Variants in PDCL2 observed in about 807,000 individuals in gnomAD.
PDCL2 encodes phosducin-like protein 2.
In PDCL2, 23 loss-of-function variants were observed where a neutral mutation model predicts 30.3. That is an observed-to-expected ratio of 0.76 (90% CI 0.55 to 1.08). The LOEUF (loss-of-function observed/expected upper bound fraction) is 1.08, where lower values mean the gene tolerates loss of function less well. PDCL2 is among the 50% of genes least tolerant of loss of function. The pLI is 0.00. For synonymous variants in PDCL2, 68 were observed against 86.2 expected (o/e 0.79, Z 1.17); for missense variants, 243 against 282.3 (o/e 0.86, Z 1.00).
chr4:55,562,924 A>C (rs908580973), intron 4 of PDCL2, among the ~76,000 whole-genome samples: 1 of 128,548 alleles, frequency 7.8e-6, no homozygotes, highest in Non-Finnish European at 1.6e-5. Flanking sequence ...AAAAAAAAAA[A>C]AAAACAGGAC....
chr4:55,590,133 G>T (rs1182478768), intron 1 of PDCL2, among the ~76,000 whole-genome samples: 1 of 130,248 alleles, frequency 7.7e-6, no homozygotes, highest in Non-Finnish European at 1.5e-5. Flanking sequence ...GGAGGTGGAG[G>T]TTGCAGTAAG....
chr4:55,560,023 GA>G (rs1732083223), intron 5 of PDCL2, among the ~76,000 whole-genome samples: 1 of 152,148 alleles, frequency 6.6e-6, no homozygotes, highest in African/African-American at 2.4e-5. Flanking sequence ...TATGTAAGAT[GA>G]AAAAACTTCT....
chr4:55,591,353 C>G (rs191207023), intron 1 of PDCL2, among the ~76,000 whole-genome samples: 11 of 151,618 alleles, frequency 7.3e-5, no homozygotes, highest in Non-Finnish European at 1.2e-4. Context: ...AGAGGAGGAG[C>G]CTTCTAAGAA....
At chr4:55,557,512 A>C (rs563198930) in intron 5 of PDCL2, among the ~76,000 whole-genome samples, 33 of 152,232 alleles carry the variant, frequency 2.2e-4, no homozygotes, top group African/African-American at 5.5e-4. Flanking sequence ...ACATTAATCC[A>C]TTCATGAGGG....
Position 55,592,129 on chromosome 4 carries a change from C to T in PDCL2, c.-20G>A. 1 of 1,608,978 alleles carries T rather than the reference C, an allele frequency of 6.2e-7. No individual in the cohort carries two copies. Among genetic ancestry groups the T allele is most frequent in the Non-Finnish European group, 8.5e-7 (1 of 1,178,202 alleles). ...CTGCATGATGCGCTGCTCTGCCCCT[C>T]AAGAGCCCGCGTCGTCCTGCAGCTG... On this transcript the variant is annotated 5_prime_UTR_variant, in exon 1 of 6. Transcript: ENST00000295645.
chr4:55,580,333 G>A (rs1270859288), intron 3 of PDCL2, among the ~76,000 whole-genome samples: 3 of 152,108 alleles, frequency 2.0e-5, no homozygotes, highest in Non-Finnish European at 4.4e-5. Flanking sequence ...TTTAGTATCA[G>A]GATAAATACT....
intron 5 of PDCL2, among the ~76,000 whole-genome samples, chr4:55,561,240 G>A (rs1462012410): frequency 2.0e-5 from 3 of 151,936 alleles, no homozygotes; most frequent in Non-Finnish European, 2.9e-5. Context: ...AACAGCTTTG[G>A]GGGACTGACA....
chr4:55,559,191 A>G (rs558924792), intron 5 of PDCL2, among the ~76,000 whole-genome samples: 9 of 152,208 alleles, frequency 5.9e-5, no homozygotes, highest in Non-Finnish European at 1.2e-4. Context: ...TGATACTTTC[A>G]TTTACAGAGC....
chr4:55,590,146 G>A (rs1190192159), intron 1 of PDCL2, among the ~76,000 whole-genome samples: 1 of 124,790 alleles, frequency 8.0e-6, no homozygotes, highest in Non-Finnish European at 1.6e-5. Context: ...GCAGTAAGCT[G>A]AGATCGCACC....
At chr4:55,590,792 G>A (rs553679737) in intron 1 of PDCL2, among the ~76,000 whole-genome samples, 4 of 152,196 alleles carry the variant, frequency 2.6e-5, no homozygotes, top group Admixed American at 2.6e-4. Flanking sequence ...ACTGCCCTCG[G>A]CCATGAAATT....
At chr4:55,582,048 A>G (rs1012361266) in intron 2 of PDCL2, 69 bp downstream of exon 2, 1 of 1,574,256 alleles carries the variant, frequency 6.4e-7, no homozygotes, top group African/African-American at 1.4e-5. Flanking sequence ...CACTATGTTC[A>G]TGAAATACCT....
At chr4:55,579,841 G>T (rs2110164646) in intron 3 of PDCL2, among the ~76,000 whole-genome samples, 1 of 146,354 alleles carries the variant, frequency 6.8e-6, no homozygotes, top group East Asian at 2.1e-4. Flanking sequence ...CAATTCACTG[G>T]TTTTTTGTTT....
chr4:55,572,764 TTC>T (rs1267599328), intron 3 of PDCL2, among the ~76,000 whole-genome samples: 1 of 150,990 alleles, frequency 6.6e-6, no homozygotes, highest in Non-Finnish European at 1.5e-5. Context: ...TTTCTTCTTC[TTC>T]TTTTTTTTCT....
At chr4:55,574,048 C>T (rs1283548366) in intron 3 of PDCL2, among the ~76,000 whole-genome samples, 2 of 151,878 alleles carry the variant, frequency 1.3e-5, no homozygotes, top group African/African-American at 4.8e-5. Context: ...AAAATATTTT[C>T]TTGCTGTTTT....
At chr4:55,569,974 C>A (rs1387328753) in intron 3 of PDCL2, 113 bp from the exon 4 acceptor site, 1 of 683,910 alleles carries the variant, frequency 1.5e-6, no homozygotes, top group East Asian at 2.9e-5. Context: ...ATATCAAACA[C>A]TTTAAATGAT....
chr4:55,575,282 A>G (rs1267667838), intron 3 of PDCL2, among the ~76,000 whole-genome samples: 1 of 152,244 alleles, frequency 6.6e-6, no homozygotes, highest in Admixed American at 6.5e-5. Flanking sequence ...AAATTAAAAA[A>G]ATACATTGGA....
intron 1 of PDCL2, among the ~76,000 whole-genome samples, chr4:55,587,012 T>C (rs1732878938): frequency 1.4e-5 from 2 of 145,710 alleles, no homozygotes; most frequent in South Asian, 4.2e-4. Context: ...TTGTACTCTA[T>C]AACAAAATAT....
At chr4:55,589,199 T>C (rs530976343) in intron 1 of PDCL2, among the ~76,000 whole-genome samples, 3 of 152,312 alleles carry the variant, frequency 2.0e-5, no homozygotes, top group South Asian at 2.1e-4. Flanking sequence ...CATTCTGTTA[T>C]CTAAAAATCT....
chr4:55,561,892 T>C (rs1442250136), intron 5 of PDCL2, among the ~76,000 whole-genome samples: 2 of 152,162 alleles, frequency 1.3e-5, no homozygotes, highest in Non-Finnish European at 2.9e-5. Flanking sequence ...GCATTGAGAA[T>C]ATACACTACA....
Sources: allele counts gnomAD v4.1 joint callset (sites outside exome capture counted in the v4.1 genomes callset), GRCh38; gene constraint gnomAD v4.1.1; transcripts MANE v1.5; gene names NCBI Gene and HGNC (gene_info 2026-07-23, HGNC 2026-07-21).